Variants in LRRC2 observed in about 807,000 individuals in gnomAD.
LRRC2 encodes the protein leucine rich repeat containing 2, also known as leucine-rich repeat-containing protein 2.
A neutral mutation model predicts 40.2 loss-of-function variants in LRRC2; 27 were observed. The ratio of observed to expected loss-of-function variants is 0.67; its 90% CI spans 0.49 to 0.93. The LOEUF is 0.93. Ranked by LOEUF, LRRC2 falls within the 40% of genes least tolerant of loss-of-function variation. LRRC2 has a pLI of 0.00. For synonymous variants in LRRC2, 147 were observed against 158.9 expected (o/e 0.92, Z 0.56); for missense variants, 402 against 439.6 (o/e 0.91, Z 0.76).
At chr3:46,544,276 T>A (rs186570515) in intron 3 of LRRC2, among the ~76,000 whole-genome samples, 2 of 152,224 alleles carry the variant, frequency 1.3e-5, no homozygotes, top group Non-Finnish European at 2.9e-5. Flanking sequence ...CCCAGCACTT[T>A]GGGAGGCAAA....
chr3:46,527,792 A>G (rs892016652), intron 6 of LRRC2, among the ~76,000 whole-genome samples: 1 of 151,966 alleles, frequency 6.6e-6, no homozygotes, highest in African/African-American at 2.4e-5. Flanking sequence ...CAGTGGTACA[A>G]TCTCGGCTCA....
chr3:46,552,515 C>T (rs1378005688), intron 1 of LRRC2, among the ~76,000 whole-genome samples: 1 of 152,064 alleles, frequency 6.6e-6, no homozygotes, highest in Non-Finnish European at 1.5e-5. Context: ...AGGCACGTAA[C>T]AGCGACTTTC....
At chr3:46,555,575 T>C (rs145359779) in intron 1 of LRRC2, among the ~76,000 whole-genome samples, 1,704 of 152,276 alleles carry the variant, frequency 0.011, 18 homozygotes, top group Middle Eastern at 0.027. Context: ...TACTTACTTT[T>C]TCATAGTCCA....
chr3:46,538,300 C>A (rs1335780830), intron 4 of LRRC2, among the ~76,000 whole-genome samples: 1 of 152,140 alleles, frequency 6.6e-6, no homozygotes, highest in Non-Finnish European at 1.5e-5. Flanking sequence ...TAAGATAACA[C>A]AACTGAATAA....
chr3:46,525,847 C>T (rs1394406696), intron 7 of LRRC2, among the ~76,000 whole-genome samples: 1 of 152,094 alleles, frequency 6.6e-6, no homozygotes, highest in Non-Finnish European at 1.5e-5. Flanking sequence ...TGTAAGAGGA[C>T]TATTTTCACT....
chr3:46,565,869 ACG>A (rs1317648077), intron 1 of LRRC2, among the ~76,000 whole-genome samples: 1 of 152,222 alleles, frequency 6.6e-6, no homozygotes, highest in Non-Finnish European at 1.5e-5. Context: ...CCGGAGCAGT[ACG>A]CGCAGGGGAA....
At chr3:46,521,771 C>T (rs1469780720) in intron 7 of LRRC2, 113 bp from the exon 8 acceptor site, 7 of 927,178 alleles carry the variant, frequency 7.5e-6, no homozygotes, top group Admixed American at 2.6e-5. Flanking sequence ...CTTTAAAAGT[C>T]ACATTTGACC....
rs182803447 is a variant in LRRC2 at position 46,522,685 on chromosome 3, C to A, written c.930-1027G>T. On this transcript the variant is annotated intron_variant, in intron 7 of 8. Coordinates refer to ENST00000395905, the MANE Select transcript of LRRC2 (RefSeq NM_024512.5). ...CTATGACGACACTACTGCACTCTAG[C>A]CTGGGCAATAGAATGAGAGAGATCC... Among the ~76,000 whole-genome samples the A allele has an allele frequency of 6.1e-4, 93 of 151,448 alleles. 1 individual carries two copies. Among genetic ancestry groups the A allele is most frequent in the African/African-American group, 2.1e-3 (86 of 41,216 alleles).
chr3:46,546,619 G>A lies in LRRC2; in HGVS notation c.126-1366C>T, dbSNP rs192195111. ...AGAGTAAAGTTAACTTGTAGAAAACGGAAAGCCATACAAATAATTCTTATC... is the reference window on the plus strand; with the variant it reads ...AGAGTAAAGTTAACTTGTAGAAAACAGAAAGCCATACAAATAATTCTTATC... On this transcript the variant is annotated intron_variant, in intron 2 of 8. Coordinates refer to ENST00000395905, the MANE Select transcript of LRRC2 (RefSeq NM_024512.5). Among the ~76,000 whole-genome samples, 398 of 151,932 alleles carry A rather than the reference G, an allele frequency of 2.6e-3. 1 individual carries two copies. The highest frequency in any genetic ancestry group is 9.3e-3 in the African/African-American group (384 of 41,416).
At chr3:46,554,641 TAAA>T (rs34382739) in intron 1 of LRRC2, among the ~76,000 whole-genome samples, 1,568 of 137,336 alleles carry the variant, frequency 0.011, 34 homozygotes, top group African/African-American at 0.04. Flanking sequence ...GACTCTGTCT[TAAA>T]AAAAAAAAAA....
intron 3 of LRRC2, among the ~76,000 whole-genome samples, chr3:46,539,952 C>T (rs1704349405): frequency 1.3e-5 from 2 of 151,912 alleles, no homozygotes; most frequent in Non-Finnish European, 2.9e-5. Flanking sequence ...AGGGGTGGGG[C>T]AAAGACGAGA....
chr3:46,552,370 G>A (rs1704676117), intron 1 of LRRC2, among the ~76,000 whole-genome samples: 1 of 124,650 alleles, frequency 8.0e-6, no homozygotes, highest in African/African-American at 3.2e-5. Flanking sequence ...CTTCTTAGTT[G>A]TATTTAAATC....
At chr3:46,533,783 C>G (rs1180181362) in intron 4 of LRRC2, among the ~76,000 whole-genome samples, 1 of 135,736 alleles carries the variant, frequency 7.4e-6, no homozygotes, top group Non-Finnish European at 1.6e-5. Context: ...TCTTTTCTTT[C>G]TTTCTTTCTT....
At chr3:46,526,772 C>A (rs562629443) in intron 7 of LRRC2, among the ~76,000 whole-genome samples, 5 of 152,316 alleles carry the variant, frequency 3.3e-5, no homozygotes, top group African/African-American at 9.6e-5. Flanking sequence ...GGTCTCTGGA[C>A]AGAGAGAAGG....
chr3:46,557,881 C>T (rs754019306), intron 1 of LRRC2: 1 of 152,212 alleles, frequency 6.6e-6, no homozygotes, highest in Non-Finnish European at 1.5e-5. Flanking sequence ...GTGTGTGGAC[C>T]ACACAGGCAC....
chr3:46,528,805 G>T (rs1469877129), intron 6 of LRRC2, among the ~76,000 whole-genome samples: 5 of 152,184 alleles, frequency 3.3e-5, no homozygotes, highest in African/African-American at 1.2e-4. Context: ...TAGCTTGCTT[G>T]TGTTTCTTTA....
chr3:46,534,497 G>A (rs147568876), intron 4 of LRRC2, among the ~76,000 whole-genome samples: 225 of 139,220 alleles, frequency 1.6e-3, no homozygotes, highest in African/African-American at 5.7e-3. Flanking sequence ...TCTAGCAGCC[G>A]CACCCTTCTA....
At chr3:46,551,356 C>G (rs1362956602) in intron 2 of LRRC2, 111 bp downstream of exon 2, 35 of 1,362,344 alleles carry the variant, frequency 2.6e-5, no homozygotes, top group Non-Finnish European at 3.5e-5. Flanking sequence ...AAAATTTTAC[C>G]AACAGTGAGA....
chr3:46,561,899 C>T (rs1575365062), intron 1 of LRRC2, among the ~76,000 whole-genome samples: 1 of 152,090 alleles, frequency 6.6e-6, no homozygotes, highest in South Asian at 2.1e-4. Flanking sequence ...CCAGCAGTGC[C>T]CACATTCCAT....
Sources: allele counts gnomAD v4.1 joint callset (sites outside exome capture counted in the v4.1 genomes callset), GRCh38; gene constraint gnomAD v4.1.1; transcripts MANE v1.5; gene names NCBI Gene and HGNC (gene_info 2026-07-23, HGNC 2026-07-21).